The following RIMS2 variants were observed in gnomAD, a reference collection of about 807,000 sequenced individuals.
RIMS2 encodes regulating synaptic membrane exocytosis 2, also known as regulating synaptic membrane exocytosis protein 2.
RIMS2 carries 59 observed loss-of-function variants against 174.4 expected under a neutral mutation model. The observed-to-expected ratio is 0.34, with a 90% CI of 0.27 to 0.42. The LOEUF (loss-of-function observed/expected upper bound fraction) is 0.42, where lower values mean the gene tolerates loss of function less well. Ranked by LOEUF, RIMS2 falls within the 10% of genes least tolerant of loss-of-function variation. RIMS2 has a pLI of 1.00. For synonymous variants in RIMS2, 606 were observed against 572.5 expected (o/e 1.06, Z -0.84); for missense variants, 1,620 against 1,666.3 (o/e 0.97, Z 0.48).
At chr8:104,028,505 G>A (rs1237951626) in intron 19 of RIMS2, among the ~76,000 whole-genome samples, 1 of 152,010 alleles carries the variant, frequency 6.6e-6, no homozygotes, top group African/African-American at 2.4e-5. Context: ...AATTAATTCT[G>A]TTCTTTTTAT....
rs570219356 is a variant in RIMS2, at chr8:103,770,385, G to A, written c.698+3848G>A. Among the ~76,000 whole-genome samples the A allele has an allele frequency of 6.6e-5, 10 of 152,276 alleles. No individual in the cohort carries two copies. The East Asian group carries it at 1.9e-3, about 29-fold the overall frequency. On this transcript the variant is annotated intron_variant, in intron 3 of 23. Coordinates refer to ENST00000504942, the Ensembl canonical transcript of RIMS2. Reference sequence around the variant, plus strand: ...GAGGTCAGGAGTTCAAGACCAGCATGGCCAACTTGGTGAAACCCCGTCTTT... The same window carrying A: ...GAGGTCAGGAGTTCAAGACCAGCATAGCCAACTTGGTGAAACCCCGTCTTT...
intron 17 of RIMS2, chr8:103,998,103 C>A: frequency 1.9e-6 from 2 of 1,067,584 alleles, no homozygotes; most frequent in Non-Finnish European, 2.8e-6. Flanking sequence ...CTTTTAAAAT[C>A]TCACTTTTTA....
intron 1 of RIMS2, among the ~76,000 whole-genome samples, chr8:103,650,077 G>C (rs1165798148): frequency 1.3e-5 from 2 of 152,018 alleles, no homozygotes; most frequent in African/African-American, 2.4e-5. Context: ...TTGGTCTTTG[G>C]GGTTGGTGAC....
In RIMS2 at chr8:103,531,347, A is replaced by T. The variant is rs551124978; in HGVS notation, c.176+30285A>T. 1.6e-4 allele frequency among the ~76,000 whole-genome samples: 25 copies of T among 152,322 alleles called. No homozygotes were observed. The East Asian group carries it at 4.6e-3, about 28-fold the overall frequency. ...CACCATGCTGGAAATCAATAATGAAAAAAATAAGAAGATTCTTATATATTT... is the reference window on the plus strand; with the variant it reads ...CACCATGCTGGAAATCAATAATGAATAAAATAAGAAGATTCTTATATATTT... On this transcript the variant is annotated intron_variant, in intron 1 of 23. Coordinates refer to ENST00000504942, the Ensembl canonical transcript of RIMS2.
intron 12 of RIMS2, among the ~76,000 whole-genome samples, chr8:103,932,556 A>T (rs2080212491): frequency 6.6e-6 from 1 of 152,196 alleles, no homozygotes; most frequent in Admixed American, 6.5e-5. Flanking sequence ...AGAGAGATAC[A>T]TGTGGAACTA....
chr8:103,847,502 T>A (rs765472735), intron 3 of RIMS2, among the ~76,000 whole-genome samples: 3 of 152,208 alleles, frequency 2.0e-5, no homozygotes, highest in Non-Finnish European at 4.4e-5. Flanking sequence ...AGAAACATAT[T>A]TCCTTTGCTT....
At chr8:104,014,435 T>C in intron 18 of RIMS2, 71 bp from the exon 21 acceptor site, 1 of 839,580 alleles carries the variant, frequency 1.2e-6, no homozygotes, top group East Asian at 2.6e-5. Flanking sequence ...AGCTATCATA[T>C]GAACCAAATG....
intron 1 of RIMS2, among the ~76,000 whole-genome samples, chr8:103,558,530 T>C (rs1296879838): frequency 6.6e-6 from 1 of 152,214 alleles, no homozygotes; most frequent in African/African-American, 2.4e-5. Context: ...GCCCCAAATC[T>C]TTTATCTTTG....
chr8:103,639,467 T>C (rs2096175442), intron 1 of RIMS2, among the ~76,000 whole-genome samples: 1 of 151,832 alleles, frequency 6.6e-6, no homozygotes, highest in South Asian at 2.1e-4. Context: ...CCTCTTTCAT[T>C]GACCAGTTAG....
At chr8:103,737,734 C>T (rs529863491) in intron 2 of RIMS2, among the ~76,000 whole-genome samples, 1 of 152,204 alleles carries the variant, frequency 6.6e-6, no homozygotes, top group South Asian at 2.1e-4. Flanking sequence ...CCTTTCCTAC[C>T]TAAAGGCATT....
At chr8:103,791,747 C>G (rs1242456855) in intron 3 of RIMS2, among the ~76,000 whole-genome samples, 1 of 151,196 alleles carries the variant, frequency 6.6e-6, no homozygotes, top group South Asian at 2.1e-4. Context: ...AAATGGAAAA[C>G]AAAAAAAGGT....
intron 19 of RIMS2, among the ~76,000 whole-genome samples, chr8:104,083,240 T>A (rs956031623): frequency 1.3e-5 from 2 of 152,222 alleles, no homozygotes; most frequent in Non-Finnish European, 1.5e-5. Flanking sequence ...GCCTTGACTC[T>A]TTTCAGCACA....
chr8:103,661,584 A>C (rs1270737517), intron 1 of RIMS2, among the ~76,000 whole-genome samples: 2 of 152,018 alleles, frequency 1.3e-5, no homozygotes, highest in Admixed American at 6.6e-5. Flanking sequence ...GCTCACTGCA[A>C]CTTCTGCCTC....
intron 1 of RIMS2, among the ~76,000 whole-genome samples, chr8:103,692,332 G>T (rs2097038997): frequency 6.6e-6 from 1 of 152,174 alleles, no homozygotes; most frequent in Non-Finnish European, 1.5e-5. Context: ...GCTCAGAAAT[G>T]GTATTTCAGA....
At chr8:103,539,225 A>G (rs917814941) in intron 1 of RIMS2, among the ~76,000 whole-genome samples, 2 of 152,180 alleles carry the variant, frequency 1.3e-5, no homozygotes, top group African/African-American at 2.4e-5. Context: ...AAAAGATGAC[A>G]TTATTCTTCT....
chr8:103,588,791 CAA>C (rs2094106331), intron 1 of RIMS2, among the ~76,000 whole-genome samples: 1 of 151,780 alleles, frequency 6.6e-6, no homozygotes, highest in African/African-American at 2.4e-5. Context: ...TTTAGGACTT[CAA>C]ACTATGAAAC....
intron 19 of RIMS2, among the ~76,000 whole-genome samples, chr8:104,081,438 AT>A (rs2097419230): frequency 6.6e-6 from 1 of 151,980 alleles, no homozygotes; most frequent in Non-Finnish European, 1.5e-5. Flanking sequence ...AAGTAGTGTT[AT>A]TTTAATGCTG....
chr8:104,110,493 A>G (rs767791053), intron 19 of RIMS2, among the ~76,000 whole-genome samples: 3 of 152,176 alleles, frequency 2.0e-5, no homozygotes, highest in South Asian at 2.1e-4. Flanking sequence ...CAAACCAAGC[A>G]TAAGGTTTTT....
chr8:103,524,091 G>C (rs1832898053), intron 1 of RIMS2, among the ~76,000 whole-genome samples: 1 of 152,120 alleles, frequency 6.6e-6, no homozygotes. Flanking sequence ...GTTTCAGAGG[G>C]ACTTTCTGTT....
Sources: gnomAD v4.1 joint callset for allele counts (sites outside exome capture counted in the v4.1 genomes callset) on GRCh38, gnomAD v4.1.1 for gene constraint, MANE v1.5 for transcripts, NCBI Gene and HGNC (gene_info 2026-07-23, HGNC 2026-07-21) for gene names.